GABBR2: variants seen among roughly 807,000 people sequenced by gnomAD.
GABBR2 encodes G-protein coupled receptor 51.
Under a neutral mutation model 105.6 loss-of-function variants are expected in GABBR2, and 23 were observed. The observed-to-expected ratio is 0.22, with a 90% CI of 0.16 to 0.31. GABBR2 has a LOEUF of 0.31. GABBR2 is among the 10% of genes least tolerant of loss of function. GABBR2 has a pLI of 1.00. For synonymous variants in GABBR2, 478 were observed against 499.7 expected (o/e 0.96, Z 0.58); for missense variants, 734 against 1,245.5 (o/e 0.59, Z 6.18).
At chr9:98,414,516 G>T (rs1361578102) in intron 7 of GABBR2, among the ~76,000 whole-genome samples, 1 of 152,210 alleles carries the variant, frequency 6.6e-6, no homozygotes, top group Non-Finnish European at 1.5e-5. Flanking sequence ...TTGAATGCAA[G>T]AGGAGCAACT....
At chr9:98,644,979 C>T (rs1259319648) in intron 1 of GABBR2, among the ~76,000 whole-genome samples, 1 of 152,150 alleles carries the variant, frequency 6.6e-6, no homozygotes, top group African/African-American at 2.4e-5. Context: ...TATATGTTAC[C>T]CCAAGGTATA....
At chr9:98,464,098 G>A (rs573620418) in intron 6 of GABBR2, among the ~76,000 whole-genome samples, 3 of 151,754 alleles carry the variant, frequency 2.0e-5, no homozygotes, top group East Asian at 1.9e-4. Context: ...GCAGCCCATC[G>A]TCTGGGATGT....
intron 1 of GABBR2, among the ~76,000 whole-genome samples, chr9:98,676,900 G>A (rs1830484832): frequency 6.6e-6 from 1 of 152,220 alleles, no homozygotes. Flanking sequence ...CACAGAAACA[G>A]ATCTTTACAC....
chr9:98,565,691 G>C (rs990436526), intron 2 of GABBR2, among the ~76,000 whole-genome samples: 1 of 152,144 alleles, frequency 6.6e-6, no homozygotes, highest in Admixed American at 6.5e-5. Flanking sequence ...CCAGCACCCA[G>C]GGTCAGTATA....
rs1300092978 is a variant in GABBR2, at chr9:98,400,196, TAA to T, written c.1297+5883_1297+5884del. Reference sequence around the variant, plus strand: ...AGGGAGACCCTGCCTTTTTTTTTTTTAAAAAAAAAAGAAAAAAAGAAAAGAAA... The same window carrying T: ...AGGGAGACCCTGCCTTTTTTTTTTTTAAAAAAAAGAAAAAAAGAAAAGAAA... On this transcript the variant is annotated intron_variant, in intron 8 of 18. Transcript: ENST00000259455. Among the ~76,000 whole-genome samples, 193 of 132,340 alleles carry T rather than the reference TAA, an allele frequency of 1.5e-3. 1 individual carries two copies. The highest frequency in any genetic ancestry group is 4.9e-3 in the African/African-American group (177 of 35,854). The allele number at this position is 132,340 out of a possible 152,430, so 86.8% of individuals were successfully genotyped here. A position where few individuals can be genotyped will look rare whatever the true frequency, so the allele number is the denominator to read the frequency against.
At chr9:98,607,170 C>A (rs1829437929) in intron 1 of GABBR2, 6 of 1,609,334 alleles carry the variant, frequency 3.7e-6, no homozygotes, top group African/African-American at 1.3e-5. Context: ...ATAGTTGATA[C>A]CCCAGGATTT....
At chr9:98,512,297 T>C (rs1416922235) in intron 3 of GABBR2, among the ~76,000 whole-genome samples, 1 of 142,590 alleles carries the variant, frequency 7.0e-6, no homozygotes, top group Non-Finnish European at 1.6e-5. Context: ...CCACAGCCAA[T>C]ATCATATTGA....
At chr9:98,456,962 T>C (rs1826335185) in intron 6 of GABBR2, among the ~76,000 whole-genome samples, 1 of 152,262 alleles carries the variant, frequency 6.6e-6, no homozygotes, top group Admixed American at 6.5e-5. Flanking sequence ...ATTTAATGTT[T>C]TGTTTTAGTG....
chr9:98,610,229 C>T (rs186325901), intron 1 of GABBR2, among the ~76,000 whole-genome samples: 79 of 152,326 alleles, frequency 5.2e-4, no homozygotes, highest in Non-Finnish European at 9.6e-4. Context: ...CATTTAACCT[C>T]TCTGAGCCTC....
intron 17 of GABBR2, among the ~76,000 whole-genome samples, chr9:98,295,238 A>G (rs1048526486): frequency 6.6e-6 from 1 of 152,246 alleles, no homozygotes; most frequent in African/African-American, 2.4e-5. Context: ...GCTGAGGTTG[A>G]GCAAGGTGAT....
chr9:98,438,172 T>TATCCATCCATCCATCC (rs34647195), intron 7 of GABBR2, among the ~76,000 whole-genome samples: 1 of 143,722 alleles, frequency 7.0e-6, no homozygotes, highest in African/African-American at 2.7e-5. Context: ...TCCATCTACC[T>TATCCATCCATCCATCC]ATCCATCCAT....
At chr9:98,434,194 T>C (rs890437702) in intron 7 of GABBR2, among the ~76,000 whole-genome samples, 1 of 152,202 alleles carries the variant, frequency 6.6e-6, no homozygotes, top group South Asian at 2.1e-4. Flanking sequence ...CCCTTGAACA[T>C]TGGACTCCAA....
chr9:98,680,955 T>C lies in GABBR2; in HGVS notation c.321+27462A>G, dbSNP rs192503311. ...CATTAGAAGTTTACTTTATAAAAAA[T>C]AGATTAACATAGTAAAGAGTTAAAT... On this transcript the variant is annotated intron_variant, in intron 1 of 18. Transcript: ENST00000259455. Among the ~76,000 whole-genome samples the C allele has an allele frequency of 3.5e-4, 53 of 152,286 alleles. No individual in the cohort carries two copies. In the East Asian group the frequency reaches 0.01, roughly 29 times the overall value.
intron 1 of GABBR2, among the ~76,000 whole-genome samples, chr9:98,662,604 C>T (rs1053516608): frequency 3.9e-5 from 6 of 152,160 alleles, no homozygotes; most frequent in Admixed American, 6.5e-5. Flanking sequence ...GACAAATCTG[C>T]TATGCTGAAA....
intron 13 of GABBR2, among the ~76,000 whole-genome samples, chr9:98,322,884 C>T (rs1830849362): frequency 6.6e-6 from 1 of 152,102 alleles, no homozygotes; most frequent in Non-Finnish European, 1.5e-5. Flanking sequence ...TGGACTCTTT[C>T]CTGTTCCGCT....
chr9:98,316,598 C>A (rs896646110), intron 13 of GABBR2, among the ~76,000 whole-genome samples: 5 of 152,210 alleles, frequency 3.3e-5, no homozygotes, highest in Admixed American at 6.5e-5. Context: ...CCTGGATAGA[C>A]AAGAGCCCTG....
In GABBR2 at chr9:98,505,056, G is replaced by C. The variant is rs527519066; in HGVS notation, c.631-8542C>G. Among the ~76,000 whole-genome samples, 186 of 152,360 alleles carry C rather than the reference G, an allele frequency of 1.2e-3. 1 individual carries two copies. Among genetic ancestry groups the C allele is most frequent in the Non-Finnish European group, 3.5e-4 (24 of 68,036 alleles). On this transcript the variant is annotated intron_variant, in intron 3 of 18. Transcript: ENST00000259455. ...GAGCACCAACAGGTAAGATGGTTCAGGAAATTAGATTTTGGCCCAATGCCA... is the reference window on the plus strand; with the variant it reads ...GAGCACCAACAGGTAAGATGGTTCACGAAATTAGATTTTGGCCCAATGCCA...
chr9:98,586,060 G>A (rs77315051), intron 1 of GABBR2, among the ~76,000 whole-genome samples: 11,705 of 151,872 alleles, frequency 0.077, 487 homozygotes, highest in South Asian at 0.11. Flanking sequence ...TTCAGAGCAC[G>A]GTTTCATTTT....
intron 1 of GABBR2, among the ~76,000 whole-genome samples, chr9:98,590,917 A>C (rs1309906819): frequency 6.6e-6 from 1 of 152,206 alleles, no homozygotes; most frequent in East Asian, 1.9e-4. Context: ...GAGTTAGAGA[A>C]TATTCATTCA....
Sources: allele counts gnomAD v4.1 joint callset (sites outside exome capture counted in the v4.1 genomes callset), GRCh38; gene constraint gnomAD v4.1.1; transcripts MANE v1.5; gene names NCBI Gene and HGNC (gene_info 2026-07-23, HGNC 2026-07-21).